DLG2: variants seen among roughly 807,000 people sequenced by gnomAD.
The protein encoded by DLG2 is discs large MAGUK scaffold protein 2.
DLG2 carries 45 observed loss-of-function variants against 132.5 expected under a neutral mutation model. That is an observed-to-expected ratio of 0.34 (90% confidence interval 0.27 to 0.44). The LOEUF (loss-of-function observed/expected upper bound fraction) is 0.44. Ranked by LOEUF, DLG2 falls within the 20% of genes least tolerant of loss-of-function variation. The probability of loss-of-function intolerance (pLI) is 1.00; values close to 1 mark genes in which losing one functional copy is unlikely to be tolerated. For synonymous variants in DLG2, 424 were observed against 419.6 expected, an observed-to-expected ratio of 1.01 and a Z score of -0.13; for missense variants, 1,045 against 1,196.9, an observed-to-expected ratio of 0.87 and a Z score of 1.87.
chr11:84,316,881 T>A, intron 7 of DLG2: 1 of 1,612,898 alleles, frequency 6.2e-7, no homozygotes, highest in Non-Finnish European at 8.5e-7. Flanking sequence ...CAAGTCCCTT[T>A]GCCCTTGGTG....
Position 83,833,695 on chromosome 11 carries a change from T to C in DLG2, c.1641A>G (p.Glu547=), listed in dbSNP as rs768635652. 3.1e-6 allele frequency: 5 copies of C among 1,614,096 alleles called. No homozygotes were observed. In the South Asian group the frequency reaches 4.4e-5, roughly 14 times the overall value. The change falls in exon 17 of 28, where the codon GAA becomes GAG. Residue 547 remains glutamate, a synonymous_variant. Coordinates refer to ENST00000376104, the MANE Select transcript of DLG2 (RefSeq NM_001142699.3). ...CCAGAATGAAGGACACAAAAATACC[T>C]TCTCCATCTTCCCCACCGACAATGT... The part of the protein sequence containing the change: ...GFNIVGGEDG[E]GIFVSFILAG...
intron 3 of DLG2, among the ~76,000 whole-genome samples, chr11:85,513,218 GT>G (rs1228943678): frequency 1.3e-5 from 2 of 151,910 alleles, no homozygotes. Flanking sequence ...AAGGGAGAAA[GT>G]GTTGAAAAAC....
chr11:84,819,484 C>T (rs868174839), intron 6 of DLG2, among the ~76,000 whole-genome samples: 6 of 151,778 alleles, frequency 4.0e-5, no homozygotes, highest in Non-Finnish European at 7.4e-5. Flanking sequence ...AACACTCCAT[C>T]GGCTGAAAAT....
At chr11:83,600,778 A>G (rs1219347510) in intron 19 of DLG2, among the ~76,000 whole-genome samples, 1 of 152,226 alleles carries the variant, frequency 6.6e-6, no homozygotes, top group Non-Finnish European at 1.5e-5. Context: ...GAGGAAGGGT[A>G]TTAGTTTAGT....
intron 6 of DLG2, among the ~76,000 whole-genome samples, chr11:85,034,557 T>C (rs914580694): frequency 5.9e-5 from 9 of 152,100 alleles, no homozygotes; most frequent in African/African-American, 1.7e-4. Flanking sequence ...GAGAAAGAAG[T>C]CGAGGCTGGA....
intron 6 of DLG2, among the ~76,000 whole-genome samples, chr11:85,072,393 A>G (rs775143758): frequency 6.6e-6 from 1 of 151,886 alleles, no homozygotes; most frequent in Non-Finnish European, 1.5e-5. Flanking sequence ...TTCTGAATCA[A>G]GAGGTCTGGA....
intron 3 of DLG2, among the ~76,000 whole-genome samples, chr11:85,356,782 A>AGAT (rs1211328151): frequency 2.5e-5 from 1 of 39,882 alleles, no homozygotes; most frequent in Non-Finnish European, 4.9e-5. Flanking sequence ...GTAAGTAGAT[A>AGAT]GATAGATAGA....
intron 6 of DLG2, among the ~76,000 whole-genome samples, chr11:84,720,604 G>C (rs373969245): frequency 7.9e-5 from 12 of 152,260 alleles, no homozygotes; most frequent in Admixed American, 7.2e-4. Context: ...CGAGGCGTGT[G>C]GGGGGAGGGA....
At chr11:85,543,866 T>C (rs1242922722) in intron 3 of DLG2, among the ~76,000 whole-genome samples, 2 of 152,186 alleles carry the variant, frequency 1.3e-5, no homozygotes, top group African/African-American at 4.8e-5. Context: ...TTTGTTTAAG[T>C]TCTTTGTAGA....
intron 6 of DLG2, among the ~76,000 whole-genome samples, chr11:84,705,248 T>C (rs961481781): frequency 6.6e-6 from 1 of 151,668 alleles, no homozygotes; most frequent in Non-Finnish European, 1.5e-5. Flanking sequence ...CCCCTACACA[T>C]AGGGGAATTT....
chr11:85,213,129 C>T (rs1407489611), intron 4 of DLG2, among the ~76,000 whole-genome samples: 2 of 152,024 alleles, frequency 1.3e-5, no homozygotes, highest in Non-Finnish European at 2.9e-5. Context: ...TAGAATTTGC[C>T]ATAATGATTC....
intron 6 of DLG2, among the ~76,000 whole-genome samples, chr11:85,073,280 CTCT>C (rs570605318): frequency 1.6e-4 from 24 of 151,884 alleles, no homozygotes; most frequent in Non-Finnish European, 2.9e-4. Context: ...CCTTTGTCTC[CTCT>C]GTGATGGTGA....
At chr11:83,568,220 G>A (rs1005967046) in intron 19 of DLG2, among the ~76,000 whole-genome samples, 1 of 152,140 alleles carries the variant, frequency 6.6e-6, no homozygotes, top group African/African-American at 2.4e-5. Flanking sequence ...AGGAGGCAGA[G>A]TCAACAGAGT....
chr11:84,389,953 CTTGA>C (rs1390620940), intron 7 of DLG2, among the ~76,000 whole-genome samples: 2 of 152,110 alleles, frequency 1.3e-5, no homozygotes, highest in African/African-American at 4.8e-5. Flanking sequence ...GTTATTCCAA[CTTGA>C]TTATGACTTA....
At chr11:84,666,343 A>G (rs958948449) in intron 6 of DLG2, among the ~76,000 whole-genome samples, 1 of 152,160 alleles carries the variant, frequency 6.6e-6, no homozygotes, top group Non-Finnish European at 1.5e-5. Context: ...AGCTCTTGTT[A>G]CTACTACAGC....
intron 3 of DLG2, among the ~76,000 whole-genome samples, chr11:85,424,524 G>T (rs1368248093): frequency 6.6e-6 from 1 of 152,214 alleles, no homozygotes; most frequent in East Asian, 1.9e-4. Flanking sequence ...CCAGTTAGCA[G>T]AGTCAATAAA....
chr11:85,021,651 C>A, intron 6 of DLG2: 1 of 1,187,590 alleles, frequency 8.4e-7, no homozygotes, highest in South Asian at 1.2e-5. Flanking sequence ...CGTTGCTAGC[C>A]ATTGTGTTTG....
chr11:83,880,661 G>A (rs1224739079), intron 15 of DLG2, among the ~76,000 whole-genome samples: 2 of 152,182 alleles, frequency 1.3e-5, no homozygotes, highest in Non-Finnish European at 2.9e-5. Context: ...TTGACTGAAA[G>A]GACCACGGCT....
intron 5 of DLG2, among the ~76,000 whole-genome samples, chr11:85,142,304 A>G (rs1181123714): frequency 2.6e-5 from 4 of 151,552 alleles, no homozygotes; most frequent in Non-Finnish European, 5.9e-5. Flanking sequence ...TAGGCATATT[A>G]TTTTATTTGT....
Sources: gnomAD v4.1 joint callset for allele counts (sites outside exome capture counted in the v4.1 genomes callset) on GRCh38, gnomAD v4.1.1 for gene constraint, MANE v1.5 for transcripts, NCBI Gene and HGNC (gene_info 2026-07-23, HGNC 2026-07-21) for gene names.